The following CYLD variants were observed in gnomAD, a reference collection of about 807,000 sequenced individuals.
The protein encoded by CYLD is CYLD lysine 63 deubiquitinase, also known as ubiquitin carboxyl-terminal hydrolase CYLD.
CYLD carries 26 observed loss-of-function variants against 104.5 expected under a neutral mutation model. The ratio of observed to expected loss-of-function variants is 0.25; its 90% CI spans 0.18 to 0.35. The LOEUF (loss-of-function observed/expected upper bound fraction) is 0.35. Among genes scored for constraint, CYLD ranks in the 10% least tolerant of loss-of-function variants. The pLI is 1.00. For missense variants in CYLD, 703 were observed against 1,136.1 expected, an observed-to-expected ratio of 0.62 and a Z score of 5.48; for synonymous variants, 385 against 399.9, an observed-to-expected ratio of 0.96 and a Z score of 0.45.
intron 5 of CYLD, among the ~76,000 whole-genome samples, chr16:50,758,952 CTT>C (rs1967592966): frequency 6.6e-6 from 1 of 152,168 alleles, no homozygotes; most frequent in South Asian, 2.1e-4. Context: ...ATTTAAGAAA[CTT>C]TTGGCTGGGT....
intron 2 of CYLD, among the ~76,000 whole-genome samples, chr16:50,748,433 A>G (rs1328592456): frequency 2.0e-5 from 3 of 152,178 alleles, no homozygotes. Flanking sequence ...CTGTAATCCT[A>G]GAACCTTGGA....
Position 50,783,949 on chromosome 16 carries a change from G to A in CYLD, c.1827-380G>A, listed in dbSNP as rs1315061226. 19 of 277,092 alleles carry A rather than the reference G, an allele frequency of 6.9e-5. No homozygotes were observed. In the South Asian group the frequency reaches 6.9e-4, roughly 10 times the overall value. 17.2% of individuals were successfully genotyped at this position (277,092 alleles called of 1,614,324 possible). A position where few individuals can be genotyped will look rare whatever the true frequency, so the allele number is the denominator to read the frequency against. ...TGGGGCACTGAATAGTGCTTGCCTC[G>A]GGAAGTCGTTTCCAAATGCTGTCCT... is the stretch of plus-strand genomic sequence containing the variant. On this transcript the variant is annotated intron_variant, in intron 11 of 18. Transcript: ENST00000427738.
At chr16:50,746,776 G>A (rs1476434743) in intron 2 of CYLD, among the ~76,000 whole-genome samples, 2 of 151,540 alleles carry the variant, frequency 1.3e-5, no homozygotes, top group Non-Finnish European at 2.9e-5. Context: ...CAGAAAGCAA[G>A]CTTATAATCA....
chr16:50,779,838 C>G lies in CYLD; in HGVS notation c.1312C>G (p.Leu438Val), dbSNP rs1970045499. The G allele has an allele frequency of 6.2e-7, 1 of 1,613,960 alleles. No homozygotes were observed. Among genetic ancestry groups the G allele is most frequent in the Non-Finnish European group, 8.5e-7 (1 of 1,180,000 alleles). ...NTNGSIGHSPLSLSAQSVMEE... is the reference protein window; with the variant it reads ...NTNGSIGHSPVSLSAQSVMEE... ...CAATGGAAGTATTGGCCACAGTCCACTTTCTCTGTCAGCCCAGTCTGTAAT... is the reference window on the plus strand; with the variant it reads ...CAATGGAAGTATTGGCCACAGTCCAGTTTCTCTGTCAGCCCAGTCTGTAAT... Residue 438 changes from leucine (L) to valine (V), a missense_variant, in exon 9 of 19, where the codon CTT (leucine) becomes GTT (valine). Transcript: ENST00000427738.
rs548134346 is a variant in CYLD at position 50,793,717 on chromosome 16, A to G, written c.2469+53A>G. On this transcript the variant is annotated intron_variant, in intron 17 of 18. Transcript: ENST00000427738. ...ACTTTTGTTGAACAGTAACTTATTT[A>G]TAGTTGAAAACACAATGCTCGTTTT... The G allele has an allele frequency of 8.7e-6, 10 of 1,151,130 alleles. No individual in the cohort carries two copies. The East Asian group carries it at 1.9e-4, about 22-fold the overall frequency. The allele number at this position is 1,151,130 out of a possible 1,614,324, so 71.3% of individuals were successfully genotyped here.
chr16:50,782,542 G>GCA lies in CYLD; in HGVS notation c.1826+77_1826+78insAC, dbSNP rs758364147. On this transcript the variant is annotated intron_variant, in intron 11 of 18. Transcript: ENST00000427738. ...CACATACCGGTGTGTGTGTGTGTGTGCGTGTGAGTGTGTGTGAAAGAAACT... is the reference window on the plus strand; with the variant it reads ...CACATACCGGTGTGTGTGTGTGTGTGCACGTGTGAGTGTGTGTGAAAGAAACT... The GCA allele has an allele frequency of 2.7e-6, 4 of 1,461,694 alleles. No individual in the cohort carries two copies. In the African/African-American group the frequency reaches 5.7e-5, roughly 21 times the overall value. The allele number at this position is 1,461,694 out of a possible 1,614,324, so 90.5% of individuals were successfully genotyped here. A position where few individuals can be genotyped will look rare whatever the true frequency, so the allele number is the denominator to read the frequency against.
At position 50,794,878 on chromosome 16, in the gene CYLD, C is replaced by T. The variant is rs903124871; in HGVS notation, c.2686+450C>T. 2 of 234,284 alleles carry T rather than the reference C, an allele frequency of 8.5e-6. No individual in the cohort carries two copies. The highest frequency in any genetic ancestry group is 2.3e-5 in the African/African-American group (1 of 43,488). The allele number at this position is 234,284 out of a possible 1,614,324, so 14.5% of individuals were successfully genotyped here. A position where few individuals can be genotyped will look rare whatever the true frequency, so the allele number is the denominator to read the frequency against. On this transcript the variant is annotated intron_variant, in intron 18 of 18. Coordinates refer to ENST00000427738, the MANE Select transcript of CYLD (RefSeq NM_001378743.1). The surrounding 1 kb of genome is among the most constrained non-coding windows in gnomAD (Gnocchi z 4.1). ...TCAAGTGATTAACCCTCCTTTTCCTCTCGATGTGCTGGGATTACAAGAGGA... is the reference window on the plus strand; with the variant it reads ...TCAAGTGATTAACCCTCCTTTTCCTTTCGATGTGCTGGGATTACAAGAGGA...
chr16:50,798,676 C>T lies in CYLD; in HGVS notation c.*2168C>T, dbSNP rs528162627. On this transcript the variant is annotated 3_prime_UTR_variant, in exon 19 of 19. Transcript: ENST00000427738. ...TTCCTGTAGAAATTAAAACAAAATACAAATTGAGGAAGCTCTGCTACCCAG... is the reference window on the plus strand; with the variant it reads ...TTCCTGTAGAAATTAAAACAAAATATAAATTGAGGAAGCTCTGCTACCCAG... 3.9e-4 allele frequency: 90 copies of T among 229,682 alleles called. No homozygotes were observed. The South Asian group carries it at 0.015, about 38-fold the overall frequency. The allele number at this position is 229,682 out of a possible 1,614,324, so 14.2% of individuals were successfully genotyped here. A position where few individuals can be genotyped will look rare whatever the true frequency, so the allele number is the denominator to read the frequency against.
intron 12 of CYLD, 73 bp from the exon 13 acceptor site, chr16:50,786,779 AAAG>A: frequency 8.7e-7 from 1 of 1,152,870 alleles, no homozygotes. Flanking sequence ...AAAAAGAAAA[AAAG>A]AAATATGTGA....
intron 9 of CYLD, 83 bp downstream of exon 9, chr16:50,780,127 A>G (rs1266868006): frequency 6.1e-6 from 9 of 1,485,484 alleles, no homozygotes; most frequent in African/African-American, 1.4e-5. Flanking sequence ...GCTTTTTGAC[A>G]AACTGTTATA....
chr16:50,800,553 T>TTATTTACCAGGA lies in CYLD; in HGVS notation c.*4053_*4054insAGGATATTTACC. ...GTAAGACTTAAGAGGATATTTGATG[T>TTATTTACCAGGA]TATTTACCTGGATATTTTCTTCCCC... On this transcript the variant is annotated 3_prime_UTR_variant, in exon 19 of 19. Transcript: ENST00000427738. The TTATTTACCAGGA allele has an allele frequency of 4.3e-6, 1 of 233,044 alleles. No homozygotes were observed. The highest frequency in any genetic ancestry group is 6.0e-5 in the East Asian group (1 of 16,586). The allele number at this position is 233,044 out of a possible 1,614,324, so 14.4% of individuals were successfully genotyped here.
At chr16:50,772,259 G>T (rs1969232956) in intron 5 of CYLD, among the ~76,000 whole-genome samples, 1 of 152,146 alleles carries the variant, frequency 6.6e-6, no homozygotes, top group African/African-American at 2.4e-5. Flanking sequence ...GGATAAGAAT[G>T]TAGTCAAGAA....
chr16:50,774,816 T>C (rs553608361), intron 5 of CYLD, among the ~76,000 whole-genome samples: 1 of 152,332 alleles, frequency 6.6e-6, no homozygotes, highest in South Asian at 2.1e-4. Context: ...ACTGATACCG[T>C]GGAAGGTAAA....
chr16:50,743,933 TCTC>T (rs1965952263), intron 2 of CYLD, among the ~76,000 whole-genome samples: 1 of 152,242 alleles, frequency 6.6e-6, no homozygotes, highest in Non-Finnish European at 1.5e-5. Context: ...CTTTTTCTCT[TCTC>T]TTTCTCTTGG....
At chr16:50,764,690 T>G (rs1968304463) in intron 5 of CYLD, among the ~76,000 whole-genome samples, 1 of 152,200 alleles carries the variant, frequency 6.6e-6, no homozygotes, top group African/African-American at 2.4e-5. Context: ...AGCCCGTAGT[T>G]CTCAGCCTGG....
chr16:50,755,412 A>G (rs2150922665), intron 5 of CYLD, among the ~76,000 whole-genome samples: 1 of 152,200 alleles, frequency 6.6e-6, no homozygotes, highest in East Asian at 1.9e-4. Context: ...GGATTGCTGG[A>G]TCAAACGCTA....
rs545203302 is a variant in CYLD at position 50,776,086 on chromosome 16, G to A, written c.923-93G>A. 7.9e-5 allele frequency: 73 copies of A among 923,054 alleles called. No homozygotes were observed. In the African/African-American group the frequency reaches 1.1e-3, roughly 14 times the overall value. The allele number at this position is 923,054 out of a possible 1,614,324, so 57.2% of individuals were successfully genotyped here. ...AAACTAAAAATTCTGCCTTTTTGTG[G>A]AAAGAGGGTTTTTTTATTTTGTTAC... On this transcript the variant is annotated intron_variant, in intron 6 of 18. Transcript: ENST00000427738.
At position 50,754,350 on chromosome 16, in the gene CYLD, T is replaced by A; in HGVS notation, c.839T>A (p.Phe280Tyr). The change falls in exon 5 of 19, where the codon TTT becomes TAT. Residue 280 changes from phenylalanine (F) to tyrosine (Y), a missense_variant. Physicochemically the swap from Phe to Tyr is conservative, Grantham distance 22. Transcript: ENST00000427738. Reference sequence around the variant, plus strand: ...CCTATTGGCAACTGGGATGGAAGATTTGATGGAGTGCAGCTTTGTAGTTTT... The same window carrying A: ...CCTATTGGCAACTGGGATGGAAGATATGATGGAGTGCAGCTTTGTAGTTTT... Reference protein sequence around the residue: ...DNPIGNWDGRFDGVQLCSFAC... With the variant: ...DNPIGNWDGRYDGVQLCSFAC... The A allele has an allele frequency of 6.2e-7, 1 of 1,613,530 alleles. No homozygotes were observed. The highest frequency in any genetic ancestry group is 8.5e-7 in the Non-Finnish European group (1 of 1,179,568).
intron 5 of CYLD, among the ~76,000 whole-genome samples, chr16:50,763,284 G>GT (rs891732744): frequency 1.3e-4 from 19 of 151,118 alleles, no homozygotes; most frequent in Non-Finnish European, 2.2e-4. Flanking sequence ...AGATATTTAG[G>GT]TTTTTTTTTC....
Sources: gnomAD v4.1 joint callset for allele counts (sites outside exome capture counted in the v4.1 genomes callset) on GRCh38, gnomAD v4.1.1 for gene constraint, Gnocchi (gnomAD v3.1) non-coding constraint, MANE v1.5 for transcripts, NCBI Gene and HGNC (gene_info 2026-07-23, HGNC 2026-07-21) for gene names.